Variants in RERE observed in about 807,000 individuals in gnomAD.
The protein encoded by RERE is arginine-glutamic acid dipeptide repeats protein.
Under a neutral mutation model 146.1 loss-of-function variants are expected in RERE, and 40 were observed. The observed-to-expected ratio is 0.27, with a 90% confidence interval of 0.21 to 0.36. RERE has a LOEUF of 0.36. Ranked by LOEUF, RERE falls within the 10% of genes least tolerant of loss-of-function variation. RERE has a pLI of 1.00. For synonymous variants in RERE, 1,003 were observed against 866.0 expected, an observed-to-expected ratio of 1.16 and a Z score of -2.78; for missense variants, 1,933 against 2,138.7, an observed-to-expected ratio of 0.90 and a Z score of 1.90.
At chr1:8,509,434 A>ATCCGTCCGTCCGTCCGTCCG (rs753386503) in intron 7 of RERE, among the ~76,000 whole-genome samples, 1 of 115,734 alleles carries the variant, frequency 8.6e-6, no homozygotes, top group African/African-American at 2.6e-5. Context: ...CCATCCATCC[A>ATCCGTCCGTCCGTCCGTCCG]TCCGTCCGTC....
At chr1:8,640,595 C>T (rs1032894704) in intron 2 of RERE, among the ~76,000 whole-genome samples, 1 of 152,072 alleles carries the variant, frequency 6.6e-6, no homozygotes, top group Non-Finnish European at 1.5e-5. Context: ...GTAACATATA[C>T]TATGATGCCT....
chr1:8,386,005 T>A (rs1217788067), intron 12 of RERE, among the ~76,000 whole-genome samples: 11 of 38,462 alleles, frequency 2.9e-4, no homozygotes, highest in African/African-American at 8.7e-4. Flanking sequence ...TATATATATA[T>A]ATATATATAT....
chr1:8,375,062 C>G (rs1237530226), intron 12 of RERE, among the ~76,000 whole-genome samples: 3 of 151,894 alleles, frequency 2.0e-5, no homozygotes, highest in African/African-American at 7.3e-5. Flanking sequence ...AGACAGGCTT[C>G]CCTGTGCTGT....
chr1:8,788,269 T>TGTTATAATAACATCATAAC (rs1641294945), intron 1 of RERE, among the ~76,000 whole-genome samples: 1 of 152,198 alleles, frequency 6.6e-6, no homozygotes, highest in South Asian at 2.1e-4. Context: ...TATGTTAATG[T>TGTTATAATAACATCATAAC]GTTATAATAA....
chr1:8,466,373 A>G lies in RERE; in HGVS notation c.1105-350T>C, dbSNP rs933203896. 3.9e-5 allele frequency among the ~76,000 whole-genome samples: 6 copies of G among 152,084 alleles called. No homozygotes were observed. In the East Asian group the frequency reaches 5.8e-4, roughly 15 times the overall value. On this transcript the variant is annotated intron_variant, in intron 10 of 22. Coordinates refer to ENST00000400908, the MANE Select transcript of RERE (RefSeq NM_001042681.2). ...CATTATCTTACTTAATCCTATGGGG[A>G]AAGTATTCTCTCATTTAATCTACGG...
chr1:8,763,251 G>A (rs1451086482), intron 1 of RERE, among the ~76,000 whole-genome samples: 1 of 151,812 alleles, frequency 6.6e-6, no homozygotes, highest in Admixed American at 6.6e-5. Context: ...GAAATAAGAC[G>A]TCCTTAAAAA....
chr1:8,557,511 G>T lies in RERE; in HGVS notation c.535C>A (p.His179Asn). The change falls in exon 5 of 23, where the codon CAT becomes AAT. Residue 179 changes from histidine to asparagine, a missense_variant. This residue lies in a region of RERE where 74 missense variants were observed against 99.6 expected (regional missense o/e 0.74). Coordinates refer to ENST00000400908, the MANE Select transcript of RERE (RefSeq NM_001042681.2). ...GRGPVGSKRD[H>N]LLMNVKWYYR... The stretch of plus-strand genomic sequence containing the variant: ...TACCATTTGACGTTCATGAGGAGAT[G>T]GTCCCTCTTACTCTGAAAAGGAAAA... 1 of 1,609,754 alleles carries T rather than the reference G, an allele frequency of 6.2e-7. No homozygotes were observed. The highest frequency in any genetic ancestry group is 8.5e-7 in the Non-Finnish European group (1 of 1,176,092).
chr1:8,586,517 T>C (rs2105206), intron 4 of RERE, among the ~76,000 whole-genome samples: 4 of 152,216 alleles, frequency 2.6e-5, no homozygotes, highest in African/African-American at 9.6e-5. Context: ...ACAGCTCACC[T>C]GTATTCTGCT....
At chr1:8,574,622 C>A (rs1240522799) in intron 4 of RERE, among the ~76,000 whole-genome samples, 4 of 152,134 alleles carry the variant, frequency 2.6e-5, no homozygotes. Flanking sequence ...GAAAATACTG[C>A]AACTTACAAA....
intron 1 of RERE, among the ~76,000 whole-genome samples, chr1:8,791,928 C>T (rs758908386): frequency 2.6e-5 from 4 of 152,044 alleles, no homozygotes; most frequent in Non-Finnish European, 5.9e-5. Flanking sequence ...ACAGGTGAAG[C>T]TTAACAAAGA....
intron 11 of RERE, among the ~76,000 whole-genome samples, chr1:8,457,130 A>T (rs1570270224): frequency 1.3e-5 from 2 of 152,208 alleles, no homozygotes; most frequent in East Asian, 3.9e-4. Flanking sequence ...ACTGAATGAG[A>T]AACTTGGTAA....
chr1:8,721,319 T>C (rs1639859666), intron 1 of RERE, among the ~76,000 whole-genome samples: 1 of 152,008 alleles, frequency 6.6e-6, no homozygotes, highest in South Asian at 2.1e-4. Flanking sequence ...ACTTTTTTAT[T>C]ATTATTTTTT....
At chr1:8,473,544 T>C (rs1318119617) in intron 10 of RERE, among the ~76,000 whole-genome samples, 1 of 152,242 alleles carries the variant, frequency 6.6e-6, no homozygotes, top group Non-Finnish European at 1.5e-5. Context: ...TTCAGAGCCA[T>C]ACTGTGCCAC....
intron 4 of RERE, among the ~76,000 whole-genome samples, chr1:8,580,669 A>G (rs1210471559): frequency 6.6e-6 from 1 of 152,166 alleles, no homozygotes; most frequent in Non-Finnish European, 1.5e-5. Flanking sequence ...GCACTTTCCC[A>G]GTCAATCCTC....
At chr1:8,654,641 T>G (rs1467070855) in intron 2 of RERE, among the ~76,000 whole-genome samples, 3 of 102,668 alleles carry the variant, frequency 2.9e-5, no homozygotes, top group Admixed American at 1.2e-4. Context: ...TTTTTTTTTG[T>G]TTTTTTTTTT....
intron 1 of RERE, among the ~76,000 whole-genome samples, chr1:8,743,741 C>T (rs1302763660): frequency 6.6e-6 from 1 of 151,984 alleles, no homozygotes; most frequent in Non-Finnish European, 1.5e-5. Context: ...TTCTACAGGG[C>T]TCAGTCCCTC....
chr1:8,424,069 T>C (rs1162204203), intron 11 of RERE: 1 of 152,162 alleles, frequency 6.6e-6, no homozygotes, highest in African/African-American at 2.4e-5. Flanking sequence ...CCCAGGCTGC[T>C]GGGTCTCCAG....
chr1:8,582,973 T>C (rs1262656936), intron 4 of RERE, among the ~76,000 whole-genome samples: 1 of 152,122 alleles, frequency 6.6e-6, no homozygotes, highest in Non-Finnish European at 1.5e-5. Context: ...ATCATATCAA[T>C]GGGGGTTGGG....
intron 10 of RERE, among the ~76,000 whole-genome samples, chr1:8,489,870 GA>G (rs1299066301): frequency 6.6e-6 from 1 of 151,754 alleles, no homozygotes; most frequent in Non-Finnish European, 1.5e-5. Flanking sequence ...CTAACACAGT[GA>G]AACCCCATCT....
Sources: allele counts gnomAD v4.1 joint callset (sites outside exome capture counted in the v4.1 genomes callset), GRCh38; gene constraint gnomAD v4.1.1; regional missense constraint gnomAD v4.1.1; transcripts MANE v1.5; gene names NCBI Gene and HGNC (gene_info 2026-07-23, HGNC 2026-07-21).